Variants in GRIN2B observed in about 807,000 individuals in gnomAD.
GRIN2B encodes glutamate ionotropic receptor NMDA type subunit 2B.
In GRIN2B, 5 loss-of-function variants were observed where a neutral mutation model predicts 114.5. That is an observed-to-expected ratio of 0.04 (90% CI 0.02 to 0.09). The LOEUF is 0.09. Ranked by LOEUF, GRIN2B falls within the 10% of genes least tolerant of loss-of-function variation. The pLI is 1.00. For missense variants in GRIN2B, 1,108 were observed against 1,943.5 expected, an observed-to-expected ratio of 0.57 and a Z score of 8.08; for synonymous variants, 787 against 745.1, an observed-to-expected ratio of 1.06 and a Z score of -0.92.
At chr12:13,748,251 T>C (rs891827225) in intron 4 of GRIN2B, among the ~76,000 whole-genome samples, 7 of 152,198 alleles carry the variant, frequency 4.6e-5, no homozygotes, top group Non-Finnish European at 8.8e-5. Flanking sequence ...CTATCTCAAA[T>C]AGCATCCGTT....
chr12:13,981,161 CAAA>C lies in GRIN2B; in HGVS notation c.-448+178_-448+180del, dbSNP rs60755034. The stretch of plus-strand genomic sequence containing the variant: ...CCCAGTCACAGCACCCCCTCCCCCA[CAAA>C]AAAAAAAAACCTTTAAAAAAGCCAC... On this transcript the variant is annotated intron_variant, in intron 1 of 13. Coordinates refer to ENST00000609686, the MANE Select transcript of GRIN2B (RefSeq NM_000834.5). Among the ~76,000 whole-genome samples, 378 of 147,246 alleles carry C rather than the reference CAAA, an allele frequency of 2.6e-3. 2 individuals carry two copies. The highest frequency in any genetic ancestry group is 2.5e-3 in the Non-Finnish European group (166 of 66,856).
intron 2 of GRIN2B, among the ~76,000 whole-genome samples, chr12:13,924,061 C>A (rs567181288): frequency 6.6e-6 from 1 of 152,278 alleles, no homozygotes; most frequent in South Asian, 2.1e-4. Context: ...GAGAATCTTA[C>A]TCTTATTGTT....
intron 2 of GRIN2B, among the ~76,000 whole-genome samples, chr12:13,932,982 T>TGTGCGC (rs1229544710): frequency 8.3e-6 from 1 of 120,316 alleles, no homozygotes; most frequent in East Asian, 2.4e-4. Context: ...TGTGTGTGTG[T>TGTGCGC]GTGTGCGTGT....
At chr12:13,938,344 A>G (rs1441109108) in intron 2 of GRIN2B, among the ~76,000 whole-genome samples, 2 of 152,290 alleles carry the variant, frequency 1.3e-5, no homozygotes, top group African/African-American at 4.8e-5. Context: ...TTAAATATAA[A>G]GGAATATATG....
intron 3 of GRIN2B, among the ~76,000 whole-genome samples, chr12:13,826,565 T>C (rs747713802): frequency 2.0e-5 from 3 of 152,338 alleles, no homozygotes; most frequent in Non-Finnish European, 2.9e-5. Flanking sequence ...GGGCTACTTA[T>C]GGCTGTTTTT....
chr12:13,587,869 C>A (rs918092), intron 10 of GRIN2B, among the ~76,000 whole-genome samples: 42,457 of 152,102 alleles, frequency 0.28, 6,797 homozygotes, highest in Middle Eastern at 0.46. Flanking sequence ...GAGTCAATTT[C>A]ACACCTGTTT....
chr12:13,778,806 G>A lies in GRIN2B; in HGVS notation c.412-24891C>T, dbSNP rs151278748. Among the ~76,000 whole-genome samples the A allele has an allele frequency of 4.3e-4, 66 of 152,142 alleles. 1 individual carries two copies. Among genetic ancestry groups the A allele is most frequent in the Admixed American group, 1.5e-3 (23 of 15,276 alleles). On this transcript the variant is annotated intron_variant, in intron 3 of 13. Coordinates refer to ENST00000609686, the MANE Select transcript of GRIN2B (RefSeq NM_000834.5). ...TCCCTCACTTGATCGTTCATTCTTC[G>A]TTTTATATTTTGGTCCAAGACCAGT...
chr12:13,933,929 A>G (rs1465660863), intron 2 of GRIN2B, among the ~76,000 whole-genome samples: 1 of 152,126 alleles, frequency 6.6e-6, no homozygotes, highest in Non-Finnish European at 1.5e-5. Flanking sequence ...CCTTCCTCTT[A>G]CCCTTCAATA....
At chr12:13,800,876 A>T (rs1049076265) in intron 3 of GRIN2B, among the ~76,000 whole-genome samples, 1 of 152,232 alleles carries the variant, frequency 6.6e-6, no homozygotes, top group African/African-American at 2.4e-5. Flanking sequence ...TCTGATGTAA[A>T]TACATAAGAA....
At chr12:13,642,189 AAAAC>A (rs35583863) in intron 5 of GRIN2B, among the ~76,000 whole-genome samples, 8,508 of 149,718 alleles carry the variant, frequency 0.057, 334 homozygotes, top group African/African-American at 0.12. Context: ...ACTCTGTCTC[AAAAC>A]AAACAAACAA....
chr12:13,962,461 A>C (rs1477482066), intron 2 of GRIN2B, among the ~76,000 whole-genome samples: 1 of 152,262 alleles, frequency 6.6e-6, no homozygotes, highest in African/African-American at 2.4e-5. Flanking sequence ...GTAACCCTGA[A>C]TTGCCTATGC....
At chr12:13,784,786 G>A (rs971686748) in intron 3 of GRIN2B, among the ~76,000 whole-genome samples, 1 of 152,154 alleles carries the variant, frequency 6.6e-6, no homozygotes, top group African/African-American at 2.4e-5. Flanking sequence ...AGGTTATCCT[G>A]GACCAGCCTG....
chr12:13,940,993 T>A (rs1432605107), intron 2 of GRIN2B, among the ~76,000 whole-genome samples: 1 of 151,986 alleles, frequency 6.6e-6, no homozygotes, highest in African/African-American at 2.4e-5. Flanking sequence ...ATTTCCCACA[T>A]TTTCTTTCAC....
chr12:13,695,353 AG>A (rs1213021560), intron 4 of GRIN2B, among the ~76,000 whole-genome samples: 2 of 152,204 alleles, frequency 1.3e-5, no homozygotes, highest in African/African-American at 4.8e-5. Flanking sequence ...AAAGCTGAGG[AG>A]AGGAAAACCC....
rs549187968 is a variant in GRIN2B at position 13,849,588 on chromosome 12, G to A, written c.411+16210C>T. ...GCGGTGGGGGAAAGGTTCTGGCAGA[G>A]ACCCCAGGCAAGCAGCCAGCTTGGG... On this transcript the variant is annotated intron_variant, in intron 3 of 13. Transcript: ENST00000609686. Among the ~76,000 whole-genome samples the A allele has an allele frequency of 3.3e-5, 5 of 152,188 alleles. No homozygotes were observed. In the East Asian group the frequency reaches 9.7e-4, roughly 30 times the overall value.
intron 12 of GRIN2B, among the ~76,000 whole-genome samples, chr12:13,567,918 C>CTGTCT (rs1948662222): frequency 6.6e-6 from 1 of 151,948 alleles, no homozygotes; most frequent in Non-Finnish European, 1.5e-5. Context: ...TGGGGAATAA[C>CTGTCT]ATAATCAAAC....
chr12:13,547,981 A>ATATATATATATATATTTTTT lies in GRIN2B; in HGVS notation c.*14801_*14802insAAAAAATATATATATATATA. On this transcript the variant is annotated 3_prime_UTR_variant, in exon 14 of 14. Transcript: ENST00000609686. ...TGTGTATATATATATATATATATAT[A>ATATATATATATATATTTTTT]TTTTTTTTTTTTTTCTGAAAGCTAC... 4.4e-5 allele frequency: 3 copies of ATATATATATATATATTTTTT among 68,564 alleles called. No homozygotes were observed. Among genetic ancestry groups the ATATATATATATATATTTTTT allele is most frequent in the African/African-American group, 4.6e-5 (1 of 21,750 alleles). The allele number at this position is 68,564 out of a possible 1,614,324, so 4.2% of individuals were successfully genotyped here. A position where few individuals can be genotyped will look rare whatever the true frequency, so the allele number is the denominator to read the frequency against.
At chr12:13,590,396 C>G (rs373605349) in intron 10 of GRIN2B, among the ~76,000 whole-genome samples, 4 of 152,196 alleles carry the variant, frequency 2.6e-5, no homozygotes, top group African/African-American at 9.6e-5. Flanking sequence ...CCTAGCCCCC[C>G]ACTCCCGACA....
chr12:13,940,236 A>G (rs1400115403), intron 2 of GRIN2B, among the ~76,000 whole-genome samples: 1 of 152,092 alleles, frequency 6.6e-6, no homozygotes, highest in Non-Finnish European at 1.5e-5. Flanking sequence ...CACCCACAGC[A>G]TCTGGGAAAA....
Sources: allele counts gnomAD v4.1 joint callset (sites outside exome capture counted in the v4.1 genomes callset), GRCh38; gene constraint gnomAD v4.1.1; transcripts MANE v1.5; gene names NCBI Gene and HGNC (gene_info 2026-07-23, HGNC 2026-07-21).